Variants in SEMA4B observed in about 807,000 individuals in gnomAD.
SEMA4B encodes the protein semaphorin-4B.
In SEMA4B, 55 loss-of-function variants were observed where a neutral mutation model predicts 88.1. The ratio of observed to expected loss-of-function variants is 0.62; its 90% CI spans 0.50 to 0.78. The LOEUF is 0.78. Ranked by LOEUF, SEMA4B falls within the 30% of genes least tolerant of loss-of-function variation. The probability of loss-of-function intolerance (pLI) is 0.00; values close to 1 mark genes in which losing one functional copy is unlikely to be tolerated. For missense variants in SEMA4B, 1,062 were observed against 1,111.9 expected (o/e 0.96, Z 0.64); for synonymous variants, 525 against 473.6 (o/e 1.11, Z -1.41).
In SEMA4B at chr15:90,228,144, C is replaced by T. The variant is rs909215550; in HGVS notation, c.2015C>T (p.Pro672Leu). The change falls in exon 14 of 14, where the codon CCA becomes CTA. Residue 672 changes from proline to leucine, a missense_variant. Pro to Leu is a moderately conservative substitution (Grantham distance 98). Transcript: ENST00000411539. ...GFQQLVASYC[P>L]EVVEDGVADQ... ...CAGCAGCTGGTAGCCAGCTACTGCC[C>T]AGAGGTGGTGGAGGACGGGGTGGCA... 2 of 1,611,308 alleles carry T rather than the reference C, an allele frequency of 1.2e-6. No homozygotes were observed. The highest frequency in any genetic ancestry group is 2.7e-5 in the African/African-American group (2 of 74,860).
In SEMA4B at chr15:90,224,955, C is replaced by G; in HGVS notation, c.1195-13C>G. ...AGGTGTGGCTGGCCTCACACTGCTG[C>G]TTTCTCCTCCAGTGCATCACCAACA... is the stretch of plus-strand genomic sequence containing the variant. On this transcript the variant is annotated splice_polypyrimidine_tract_variant and intron_variant, in intron 9 of 13. Transcript: ENST00000411539. 1.2e-6 allele frequency: 2 copies of G among 1,612,366 alleles called. No homozygotes were observed. Among genetic ancestry groups the G allele is most frequent in the Non-Finnish European group, 1.7e-6 (2 of 1,178,540 alleles).
At chr15:90,215,836 A>G (rs963139944) in intron 1 of SEMA4B, among the ~76,000 whole-genome samples, 1 of 152,200 alleles carries the variant, frequency 6.6e-6, no homozygotes, top group African/African-American at 2.4e-5. Context: ...ATTTGTATCA[A>G]GGATACATGC....
intron 4 of SEMA4B, 50 bp from the exon 5 acceptor site, chr15:90,220,932 C>G: frequency 8.1e-7 from 1 of 1,229,726 alleles, no homozygotes; most frequent in Non-Finnish European, 1.2e-6. Context: ...ACCAAGCCTG[C>G]TCCTCATTCC....
At chr15:90,198,850 G>T (rs1480349560), upstream of SEMA4B, among the ~76,000 whole-genome samples, 1 of 152,158 alleles carries the variant, frequency 6.6e-6, no homozygotes, top group Non-Finnish European at 1.5e-5. Flanking sequence ...GCAGAGGAAA[G>T]CCCTGATCTG....
At chr15:90,197,167 G>A (rs60466027), upstream of SEMA4B, among the ~76,000 whole-genome samples, 13 of 152,088 alleles carry the variant, frequency 8.5e-5, no homozygotes, top group East Asian at 2.5e-3. Flanking sequence ...TGGGCAGATC[G>A]CTTGAGTCCA....
rs200039372 is a variant in SEMA4B, at chr15:90,227,624, C to T, written c.1756C>T (p.Pro586Ser). ...TTGCAGCGCGTCTTCGGTTGTGTCCCCGTCTTTTGTACCAACAGGTGAGGT... is the reference window on the plus strand; with the variant it reads ...TTGCAGCGCGTCTTCGGTTGTGTCCTCGTCTTTTGTACCAACAGGTGAGGT... ...DLCSASSVVSPSFVPTGEKPC... is the reference protein window; with the variant it reads ...DLCSASSVVSSSFVPTGEKPC... The change falls in exon 13 of 14, where the codon CCG becomes TCG. Residue 586 changes from proline (P) to serine (S), a missense_variant. Pro to Ser is a moderately conservative substitution (Grantham distance 74, BLOSUM62 -1). Coordinates refer to ENST00000411539, the MANE Select transcript of SEMA4B (RefSeq NM_198925.4). The T allele has an allele frequency of 6.2e-7, 1 of 1,614,008 alleles. No individual in the cohort carries two copies. Among genetic ancestry groups the T allele is most frequent in the African/African-American group, 1.3e-5 (1 of 75,044 alleles).
chr15:90,213,035 G>C (rs1388892187), intron 1 of SEMA4B, among the ~76,000 whole-genome samples: 2 of 152,142 alleles, frequency 1.3e-5, no homozygotes, highest in East Asian at 3.8e-4. Context: ...TGTTGGTCGC[G>C]TGCCAGACAC....
chr15:90,217,610 A>G lies in SEMA4B; in HGVS notation c.321+8A>G. On this transcript the variant is annotated splice_region_variant and intron_variant, in intron 2 of 13. Coordinates refer to ENST00000411539, the MANE Select transcript of SEMA4B (RefSeq NM_198925.4). Reference sequence around the variant, plus strand: ...GGCGGGGAGTACCAGGAGGTGAGAGATGTTGCCTGGAGCTGGCTAGGCTGG... The same window carrying G: ...GGCGGGGAGTACCAGGAGGTGAGAGGTGTTGCCTGGAGCTGGCTAGGCTGG... 6.2e-7 allele frequency: 1 copy of G among 1,613,282 alleles called. No individual in the cohort carries two copies. The highest frequency in any genetic ancestry group is 1.1e-5 in the South Asian group (1 of 90,984).
intron 1 of SEMA4B, among the ~76,000 whole-genome samples, chr15:90,185,924 A>ATTTTTTTTTTTTTTTT (rs398028319): frequency 5.4e-5 from 3 of 55,434 alleles, no homozygotes; most frequent in African/African-American, 2.3e-4. Flanking sequence ...TCTTTTGGTG[A>ATTTTTTTTTTTTTTTT]TTTTTTTTTT....
chr15:90,218,916 A>G (rs1237193284), intron 3 of SEMA4B, among the ~76,000 whole-genome samples: 1 of 152,178 alleles, frequency 6.6e-6, no homozygotes, highest in Non-Finnish European at 1.5e-5. Context: ...TTGAGCCAAG[A>G]TCAGGAGAGA....
intron 1 of SEMA4B, among the ~76,000 whole-genome samples, chr15:90,203,542 G>A (rs1051667906): frequency 2.0e-5 from 3 of 152,124 alleles, no homozygotes; most frequent in African/African-American, 7.2e-5. Context: ...AGCAGCGAGG[G>A]GAATCGAGGG....
Position 90,228,701 on chromosome 15 carries a change from G to A in SEMA4B, c.*58G>A, listed in dbSNP as rs1461324602. On this transcript the variant is annotated 3_prime_UTR_variant, in exon 14 of 14. Coordinates refer to ENST00000411539, the MANE Select transcript of SEMA4B (RefSeq NM_198925.4). Reference sequence around the variant, plus strand: ...CAGGGGCTGTGAATGCTCGGAGAGGGTCAACTGGACCTCCCCTCCGCTCTG... The same window carrying A: ...CAGGGGCTGTGAATGCTCGGAGAGGATCAACTGGACCTCCCCTCCGCTCTG... 3 of 1,601,954 alleles carry A rather than the reference G, an allele frequency of 1.9e-6. No homozygotes were observed. Among genetic ancestry groups the A allele is most frequent in the Non-Finnish European group, 2.6e-6 (3 of 1,174,260 alleles).
chr15:90,222,191 C>T (rs527869038), intron 7 of SEMA4B, among the ~76,000 whole-genome samples: 1 of 150,656 alleles, frequency 6.6e-6, no homozygotes, highest in South Asian at 2.1e-4. Context: ...CCACCCACCT[C>T]GGCTTCCCAA....
At chr15:90,188,893 T>A (rs971958846) in intron 1 of SEMA4B, among the ~76,000 whole-genome samples, 7 of 151,846 alleles carry the variant, frequency 4.6e-5, no homozygotes, top group Non-Finnish European at 1.0e-4. Flanking sequence ...TGGTCTACGA[T>A]CTCCTGACCT....
chr15:90,203,230 G>A (rs765900137), intron 1 of SEMA4B, among the ~76,000 whole-genome samples: 2 of 152,174 alleles, frequency 1.3e-5, no homozygotes, highest in Non-Finnish European at 2.9e-5. Flanking sequence ...CAGGGTTGGG[G>A]TGTTAGTTTG....
At chr15:90,199,042 T>A (rs1227761283), upstream of SEMA4B, among the ~76,000 whole-genome samples, 1 of 151,988 alleles carries the variant, frequency 6.6e-6, no homozygotes, top group East Asian at 1.9e-4. Context: ...CCCAGCTAAT[T>A]TTTGTGTTCT....
intron 1 of SEMA4B, chr15:90,214,852 A>G: frequency 2.1e-6 from 1 of 470,834 alleles, no homozygotes; most frequent in Non-Finnish European, 3.5e-6. Flanking sequence ...TTTTCTTCAG[A>G]TTTGGGTTTT....
chr15:90,188,408 A>G (rs895480983), intron 1 of SEMA4B, among the ~76,000 whole-genome samples: 7 of 151,556 alleles, frequency 4.6e-5, no homozygotes, highest in Non-Finnish European at 8.8e-5. Context: ...TGGGCGGATC[A>G]CCTGAGGTCA....
intron 1 of SEMA4B, among the ~76,000 whole-genome samples, chr15:90,214,055 G>A (rs1466375834): frequency 6.6e-6 from 1 of 152,178 alleles, no homozygotes; most frequent in Non-Finnish European, 1.5e-5. Flanking sequence ...GTAAAGCTGA[G>A]CTTCGGCTGG....
Sources: gnomAD v4.1 joint callset for allele counts (sites outside exome capture counted in the v4.1 genomes callset) on GRCh38, gnomAD v4.1.1 for gene constraint, MANE v1.5 for transcripts, NCBI Gene and HGNC (gene_info 2026-07-23, HGNC 2026-07-21) for gene names.